Variants in DDO observed in about 807,000 individuals in gnomAD.
DDO encodes the protein D-aspartate oxidase.
In DDO, 16 loss-of-function variants were observed where a neutral mutation model predicts 16.8. The observed-to-expected ratio is 0.95, with a 90% confidence interval of 0.65 to 1.45. The LOEUF is 1.45. Among genes scored for constraint, DDO ranks in the 40% most tolerant of loss-of-function variants. The probability of loss-of-function intolerance (pLI) is 0.00; values close to 1 mark genes in which losing one functional copy is unlikely to be tolerated. For missense variants in DDO, 429 were observed against 420.3 expected (o/e 1.02, Z -0.18); for synonymous variants, 180 against 167.2 (o/e 1.08, Z -0.59).
chr6:110,407,628 C>T (rs918426271), intron 3 of DDO, among the ~76,000 whole-genome samples: 3 of 152,100 alleles, frequency 2.0e-5, no homozygotes, highest in African/African-American at 7.2e-5. Flanking sequence ...ATGTATGTTA[C>T]ATCATATGAT....
intron 2 of DDO, among the ~76,000 whole-genome samples, chr6:110,410,234 C>T (rs1029521321): frequency 1.3e-5 from 2 of 152,222 alleles, no homozygotes; most frequent in African/African-American, 4.8e-5. Context: ...GGAGAACCAG[C>T]CACCTGGCCA....
rs1421866768 is a variant in DDO, at chr6:110,415,515, A to C, written c.-53T>G. 6.2e-7 allele frequency: 1 copy of C among 1,614,214 alleles called. No homozygotes were observed. Among genetic ancestry groups the C allele is most frequent in the East Asian group, 2.2e-5 (1 of 44,892 alleles). ...GAAGCCACCAAAATCTCTGGCACCAAACCTTGTTTCCCAGTGCCTGGCTGG... is the reference window on the plus strand; with the variant it reads ...GAAGCCACCAAAATCTCTGGCACCACACCTTGTTTCCCAGTGCCTGGCTGG... On this transcript the variant is annotated 5_prime_UTR_variant, in exon 1 of 5. Coordinates refer to ENST00000368924, the MANE Select transcript of DDO (RefSeq NM_001372108.2).
intron 4 of DDO, among the ~76,000 whole-genome samples, chr6:110,403,860 T>G (rs1773561268): frequency 6.6e-6 from 1 of 152,252 alleles, no homozygotes; most frequent in South Asian, 2.1e-4. Context: ...CCTTCTTTTT[T>G]ACCAGCTTCT....
intron 3 of DDO, among the ~76,000 whole-genome samples, chr6:110,405,322 G>A (rs1403715291): frequency 6.6e-6 from 1 of 152,174 alleles, no homozygotes; most frequent in African/African-American, 2.4e-5. Flanking sequence ...ACAGGCATGA[G>A]CCACTACAGC....
chr6:110,404,615 C>T (rs537825089), intron 4 of DDO, among the ~76,000 whole-genome samples, 159 bp downstream of exon 4: 1 of 152,290 alleles, frequency 6.6e-6, no homozygotes, highest in Non-Finnish European at 1.5e-5. Flanking sequence ...ACACTGTCTT[C>T]AGATTGTTTT....
intron 4 of DDO, among the ~76,000 whole-genome samples, chr6:110,396,691 T>TTTTGTTTGTTTG (rs57663802): frequency 3.7e-4 from 56 of 150,926 alleles, no homozygotes; most frequent in African/African-American, 1.3e-3. Context: ...GGAGCTACTG[T>TTTTGTTTGTTTG]TTTGTTTGTT....
Position 110,413,420 on chromosome 6 carries a change from C to G in DDO, c.43G>C (p.Gly15Arg). 1 of 1,613,952 alleles carries G rather than the reference C, an allele frequency of 6.2e-7. No homozygotes were observed. Among genetic ancestry groups the G allele is most frequent in the Non-Finnish European group, 8.5e-7 (1 of 1,180,016 alleles). The change falls in exon 2 of 5, where the codon GGG becomes CGG. Residue 15 changes from glycine (G) to arginine (R), a missense_variant. By Grantham distance (125) the Gly-to-Arg change is moderately radical. Transcript: ENST00000368924. The stretch of plus-strand genomic sequence containing the variant: ...GAGATGCACACAGCCGTGGAGAGCC[C>G]CACCACACCTGCCCCGACAACTGCA... ...RIAVVGAGVV[G>R]LSTAVCISKL...
At chr6:110,413,966 G>T (rs976596921) in intron 1 of DDO, among the ~76,000 whole-genome samples, 7 of 152,124 alleles carry the variant, frequency 4.6e-5, no homozygotes, top group Admixed American at 1.3e-4. Context: ...TAGAGATAGG[G>T]TTTCAGCATG....
At chr6:110,389,288 T>A (rs1403096134), downstream of DDO, among the ~76,000 whole-genome samples, 1 of 152,216 alleles carries the variant, frequency 6.6e-6, no homozygotes, top group Non-Finnish European at 1.5e-5. Context: ...GGACTAGAAC[T>A]GCATCAGCTC....
At position 110,393,109 on chromosome 6, in the gene DDO, A is replaced by G; in HGVS notation, c.692T>C (p.Val231Ala). Residue 231 changes from valine (V) to alanine (A), a missense_variant, in exon 5 of 5, where the codon GTA becomes GCA. Coordinates refer to ENST00000368924, the MANE Select transcript of DDO (RefSeq NM_001372108.2). ...LTYIYPGTSH[V>A]TLGGTRQKGD... ...TTTTTGCCTAGTTCCACCTAGGGTT[A>G]CATGGGATGTACCAGGATAAATATA... The G allele has an allele frequency of 6.2e-7, 1 of 1,613,960 alleles. No individual in the cohort carries two copies. The highest frequency in any genetic ancestry group is 8.5e-7 in the Non-Finnish European group (1 of 1,179,784).
intron 4 of DDO, among the ~76,000 whole-genome samples, chr6:110,398,584 G>T (rs973041720): frequency 2.1e-4 from 32 of 152,284 alleles, no homozygotes; most frequent in African/African-American, 7.7e-4. Context: ...CCTGTGGCTG[G>T]CAGCGGGGAC....
chr6:110,413,397 G>A lies in DDO; in HGVS notation c.66C>T (p.Ile22=). The change falls in exon 2 of 5, where the codon ATC becomes ATT. Residue 22 remains isoleucine, a synonymous_variant. Transcript: ENST00000368924. ...GVVGLSTAVC[I]SKLVPRCSVT... is the part of the protein sequence containing the mutation. ...CGGAGCATCGGGGCACCAGTTTGGA[G>A]ATGCACACAGCCGTGGAGAGCCCCA... is the stretch of plus-strand genomic sequence containing the variant. 6.2e-7 allele frequency: 1 copy of A among 1,614,106 alleles called. No homozygotes were observed. The highest frequency in any genetic ancestry group is 8.5e-7 in the Non-Finnish European group (1 of 1,180,046).
At chr6:110,399,529 G>A (rs916112374) in intron 4 of DDO, among the ~76,000 whole-genome samples, 1 of 152,236 alleles carries the variant, frequency 6.6e-6, no homozygotes, top group Non-Finnish European at 1.5e-5. Flanking sequence ...CCCTCACCGG[G>A]ACGCGGCCCT....
At chr6:110,406,875 C>T (rs926793498) in intron 3 of DDO, among the ~76,000 whole-genome samples, 4 of 152,252 alleles carry the variant, frequency 2.6e-5, no homozygotes, top group Non-Finnish European at 5.9e-5. Flanking sequence ...GCTTCCATAG[C>T]ACCCTAGCCT....
At chr6:110,399,773 A>C (rs1228033979) in intron 4 of DDO, among the ~76,000 whole-genome samples, 2 of 152,212 alleles carry the variant, frequency 1.3e-5, no homozygotes, top group African/African-American at 4.8e-5. Context: ...TCTCAGGAGC[A>C]CAAGGGAGTG....
At position 110,393,132 on chromosome 6, in the gene DDO, A is replaced by G; in HGVS notation, c.669T>C (p.Tyr223=). 6.2e-7 allele frequency: 1 copy of G among 1,614,140 alleles called. No individual in the cohort carries two copies. The highest frequency in any genetic ancestry group is 8.5e-7 in the Non-Finnish European group (1 of 1,179,956). The change falls in exon 5 of 5, where the codon TAT becomes TAC. Residue 223 remains tyrosine, a synonymous_variant. Coordinates refer to ENST00000368924, the MANE Select transcript of DDO (RefSeq NM_001372108.2). ...TTACATGGGATGTACCAGGATAAATATATGTCAGCCCACTGCCATCTCGGA... is the reference window on the plus strand; with the variant it reads ...TTACATGGGATGTACCAGGATAAATGTATGTCAGCCCACTGCCATCTCGGA... ...HFIRDGSGLT[Y]IYPGTSHVTL... is the part of the protein sequence containing the mutation.
intron 4 of DDO, among the ~76,000 whole-genome samples, chr6:110,404,540 A>G (rs1366642366): frequency 2.0e-5 from 3 of 152,192 alleles, no homozygotes; most frequent in African/African-American, 7.2e-5. Context: ...CAGGCATCGA[A>G]GTGCACACCA....
At position 110,408,502 on chromosome 6, in the gene DDO, T is replaced by C; in HGVS notation, c.173-60A>G. 2.0e-6 allele frequency: 3 copies of C among 1,467,870 alleles called. No homozygotes were observed. The East Asian group carries it at 6.9e-5, about 34-fold the overall frequency. 90.9% of individuals were successfully genotyped at this position (1,467,870 alleles called of 1,614,324 possible). ...AGGAAAATGATGATAATGACAGTGC[T>C]TCAAATAAGCTCCTTCCTAGAAACT... On this transcript the variant is annotated intron_variant, in intron 2 of 4. Coordinates refer to ENST00000368924, the MANE Select transcript of DDO (RefSeq NM_001372108.2).
In DDO at chr6:110,392,180, T is replaced by G; in HGVS notation, c.*595A>C. On this transcript the variant is annotated 3_prime_UTR_variant, in exon 5 of 5. Transcript: ENST00000368924. Reference sequence around the variant, plus strand: ...AATTAAATGTAATAATCCAGCACTGTGTGAGCACAATGTAATTTTATTTAG... The same window carrying G: ...AATTAAATGTAATAATCCAGCACTGGGTGAGCACAATGTAATTTTATTTAG... 1.0e-6 allele frequency: 1 copy of G among 985,396 alleles called. No individual in the cohort carries two copies. The highest frequency in any genetic ancestry group is 1.2e-6 in the Non-Finnish European group (1 of 829,890). The allele number at this position is 985,396 out of a possible 1,614,324, so 61.0% of individuals were successfully genotyped here. A position where few individuals can be genotyped will look rare whatever the true frequency, so the allele number is the denominator to read the frequency against.
Sources: allele counts gnomAD v4.1 joint callset (sites outside exome capture counted in the v4.1 genomes callset), GRCh38; gene constraint gnomAD v4.1.1; transcripts MANE v1.5; gene names NCBI Gene and HGNC (gene_info 2026-07-23, HGNC 2026-07-21).